The following HIBADH variants were observed in gnomAD, a reference collection of about 807,000 sequenced individuals.
HIBADH encodes 3-hydroxyisobutyrate dehydrogenase, mitochondrial.
Under a neutral mutation model 36.1 loss-of-function variants are expected in HIBADH, and 25 were observed. The ratio of observed to expected loss-of-function variants is 0.69; its 90% CI spans 0.50 to 0.97. The LOEUF (loss-of-function observed/expected upper bound fraction) is 0.97, where lower values mean the gene tolerates loss of function less well. Ranked by LOEUF, HIBADH falls within the 50% of genes least tolerant of loss-of-function variation. HIBADH has a pLI of 0.00. For synonymous variants in HIBADH, 160 were observed against 149.5 expected (o/e 1.07, Z -0.51); for missense variants, 421 against 418.0 (o/e 1.01, Z -0.06).
chr7:27,638,743 A>G (rs1785903212), intron 2 of HIBADH, among the ~76,000 whole-genome samples: 1 of 152,124 alleles, frequency 6.6e-6, no homozygotes, highest in Admixed American at 6.6e-5. Flanking sequence ...TTAAATCAAC[A>G]AGCAAAAACC....
intron 3 of HIBADH, among the ~76,000 whole-genome samples, chr7:27,630,133 T>C (rs889042222): frequency 6.6e-6 from 1 of 152,178 alleles, no homozygotes; most frequent in African/African-American, 2.4e-5. Context: ...ATATACACTA[T>C]AAGGCAGTGT....
rs557462956 is a variant in HIBADH, at chr7:27,657,773, T to A, written c.91+4925A>T. On this transcript the variant is annotated intron_variant, in intron 1 of 7. Transcript: ENST00000265395. ...TTCTCTGAGTTGGGAAGGCCTAGGT[T>A]CCTATCCTGATAAGTTCACTTCTTA... Among the ~76,000 whole-genome samples the A allele has an allele frequency of 2.6e-5, 4 of 152,270 alleles. No individual in the cohort carries two copies. The South Asian group carries it at 8.3e-4, about 32-fold the overall frequency.
intron 4 of HIBADH, among the ~76,000 whole-genome samples, chr7:27,547,306 A>G (rs1337332289): frequency 6.6e-6 from 1 of 151,998 alleles, no homozygotes; most frequent in Non-Finnish European, 1.5e-5. Flanking sequence ...TTCAAAATTC[A>G]CCTCTTCAGA....
chr7:27,639,544 C>T (rs1785922082), intron 2 of HIBADH, among the ~76,000 whole-genome samples: 1 of 152,198 alleles, frequency 6.6e-6, no homozygotes, highest in Admixed American at 6.5e-5. Flanking sequence ...CTGTGACATG[C>T]AATTTACCTA....
intron 4 of HIBADH, among the ~76,000 whole-genome samples, chr7:27,556,463 T>C (rs1784390463): frequency 6.6e-6 from 1 of 152,208 alleles, no homozygotes; most frequent in South Asian, 2.1e-4. Context: ...TTAATGGTTT[T>C]TTATTATTTG....
intron 4 of HIBADH, among the ~76,000 whole-genome samples, chr7:27,624,414 G>A (rs1785603194): frequency 6.6e-6 from 1 of 152,156 alleles, no homozygotes; most frequent in African/African-American, 2.4e-5. Context: ...AGCACAGGTA[G>A]CACACTGATA....
intron 4 of HIBADH, among the ~76,000 whole-genome samples, chr7:27,621,927 G>A (rs565886089): frequency 6.6e-5 from 10 of 152,144 alleles, no homozygotes; most frequent in Admixed American, 2.6e-4. Context: ...TGACCACTGT[G>A]GTTGACTAAG....
At chr7:27,585,419 T>C (rs1270447690) in intron 4 of HIBADH, among the ~76,000 whole-genome samples, 1 of 152,136 alleles carries the variant, frequency 6.6e-6, no homozygotes, top group African/African-American at 2.4e-5. Context: ...GACTAGACTT[T>C]TGTATCTTTG....
rs59417841 is a variant in HIBADH, at chr7:27,557,145, G to GAA, written c.485-14047_485-14046dup. 9.5e-3 allele frequency among the ~76,000 whole-genome samples: 1,375 copies of GAA among 144,364 alleles called. 25 individuals are homozygous for GAA. Among genetic ancestry groups the GAA allele is most frequent in the African/African-American group, 0.029 (1,152 of 39,386 alleles). The allele number at this position is 144,364 out of a possible 152,430, so 94.7% of individuals were successfully genotyped here. ...ACAGAGTGAGACCCTGTCTAAAAAG[G>GAA]AAAAAAAAAAAAATTGGCATTTTTT... is the stretch of plus-strand genomic sequence containing the variant. On this transcript the variant is annotated intron_variant, in intron 4 of 7. Coordinates refer to ENST00000265395, the MANE Select transcript of HIBADH (RefSeq NM_152740.4).
At chr7:27,615,319 G>T (rs1009283877) in intron 4 of HIBADH, among the ~76,000 whole-genome samples, 11 of 152,160 alleles carry the variant, frequency 7.2e-5, no homozygotes, top group African/African-American at 2.7e-4. Context: ...TAGTCCTAGA[G>T]TTGCTAACAA....
chr7:27,552,465 A>T (rs1318283883), intron 4 of HIBADH, among the ~76,000 whole-genome samples: 1 of 152,212 alleles, frequency 6.6e-6, no homozygotes, highest in East Asian at 1.9e-4. Flanking sequence ...GCAATTTTTC[A>T]TCATTATTTT....
intron 1 of HIBADH, among the ~76,000 whole-genome samples, chr7:27,655,339 C>G (rs1786279587): frequency 6.6e-6 from 1 of 152,150 alleles, no homozygotes; most frequent in African/African-American, 2.4e-5. Flanking sequence ...GGAGAATATC[C>G]TCATTCTTAG....
In HIBADH at chr7:27,552,591, G is replaced by A. The variant is rs536062175; in HGVS notation, c.485-9491C>T. 2.6e-5 allele frequency among the ~76,000 whole-genome samples: 4 copies of A among 152,250 alleles called. 1 individual carries two copies. Among genetic ancestry groups the A allele is most frequent in the African/African-American group, 7.2e-5 (3 of 41,542 alleles). The stretch of plus-strand genomic sequence containing the variant: ...ACTGTATCCTCAGACTTTACATAAC[G>A]CAGACAGTCTTTTCTATGGCAGTTG... On this transcript the variant is annotated intron_variant, in intron 4 of 7. Coordinates refer to ENST00000265395, the MANE Select transcript of HIBADH (RefSeq NM_152740.4).
At chr7:27,609,231 G>A (rs1785283305) in intron 4 of HIBADH, among the ~76,000 whole-genome samples, 2 of 152,154 alleles carry the variant, frequency 1.3e-5, no homozygotes, top group African/African-American at 2.4e-5. Flanking sequence ...CCTCAACCAT[G>A]TTATCTTGGG....
intron 4 of HIBADH, among the ~76,000 whole-genome samples, chr7:27,557,145 G>GA (rs59417841): frequency 0.64 from 91,771 of 144,282 alleles, 29,333 homozygotes; most frequent in East Asian, 0.94. Context: ...GTCTAAAAAG[G>GA]AAAAAAAAAA....
chr7:27,639,332 C>A (rs1329183556), intron 2 of HIBADH, among the ~76,000 whole-genome samples: 5 of 152,026 alleles, frequency 3.3e-5, no homozygotes, highest in Non-Finnish European at 7.4e-5. Context: ...GCAAACTAAT[C>A]CAGGGAAAGA....
Position 27,579,686 on chromosome 7 carries a change from T to C in HIBADH, c.485-36586A>G, listed in dbSNP as rs545220376. 2.0e-5 allele frequency among the ~76,000 whole-genome samples: 3 copies of C among 152,354 alleles called. No homozygotes were observed. In the East Asian group the frequency reaches 5.8e-4, roughly 29 times the overall value. ...CTTTCTGTCTCTAGTGGCTCTGAGT[T>C]TGCCCTGGCAATAGCTTTCCAAGTA... On this transcript the variant is annotated intron_variant, in intron 4 of 7. Coordinates refer to ENST00000265395, the MANE Select transcript of HIBADH (RefSeq NM_152740.4).
chr7:27,608,672 G>C (rs1408019105), intron 4 of HIBADH, among the ~76,000 whole-genome samples: 1 of 152,094 alleles, frequency 6.6e-6, no homozygotes, highest in African/African-American at 2.4e-5. Flanking sequence ...GAGTATACTG[G>C]AACTAGTTTC....
intron 3 of HIBADH, among the ~76,000 whole-genome samples, chr7:27,631,145 G>A (rs929063663): frequency 6.6e-6 from 1 of 152,190 alleles, no homozygotes; most frequent in African/African-American, 2.4e-5. Context: ...ATTAACAAAT[G>A]TAGGGCTATG....
Sources: allele counts gnomAD v4.1 joint callset (sites outside exome capture counted in the v4.1 genomes callset), GRCh38; gene constraint gnomAD v4.1.1; transcripts MANE v1.5; gene names NCBI Gene and HGNC (gene_info 2026-07-23, HGNC 2026-07-21).